Variants in MGST1 observed in about 807,000 individuals in gnomAD.
MGST1 encodes glutathione S-transferase 12.
Under a neutral mutation model 8.9 loss-of-function variants are expected in MGST1, and 5 were observed. The observed-to-expected ratio is 0.56, with a 90% CI of 0.29 to 1.19. The LOEUF is 1.19. Among genes scored for constraint, MGST1 ranks in the 50% most tolerant of loss-of-function variants. The probability of loss-of-function intolerance (pLI) is 0.08; values close to 1 mark genes in which losing one functional copy is unlikely to be tolerated. For synonymous variants in MGST1, 54 were observed against 67.8 expected (o/e 0.80, Z 1.00); for missense variants, 182 against 187.4 (o/e 0.97, Z 0.17).
intron 4 of MGST1, among the ~76,000 whole-genome samples, chr12:16,463,161 T>G (rs879321163): frequency 6.6e-6 from 1 of 152,108 alleles, no homozygotes; most frequent in Non-Finnish European, 1.5e-5. Flanking sequence ...ACTGCTTACC[T>G]CTCCCCTTAC....
chr12:16,405,576 T>A lies in MGST1; in HGVS notation n.778+21972T>A, dbSNP rs188172434. On this transcript the variant is annotated intron_variant and non_coding_transcript_variant, in intron 1 of 1. Transcript: ENST00000359720. ...TCCAACTCATTCTATGAATCCAGCA[T>A]CATCTTGATACCAAAACCTGGCAGA... Among the ~76,000 whole-genome samples, 178 of 152,310 alleles carry A rather than the reference T, an allele frequency of 1.2e-3. 1 individual carries two copies. Among genetic ancestry groups the A allele is most frequent in the Non-Finnish European group, 1.5e-3 (102 of 68,032 alleles).
intron 4 of MGST1, among the ~76,000 whole-genome samples, chr12:16,462,709 T>A (rs1941229803): frequency 6.6e-6 from 1 of 152,160 alleles, no homozygotes; most frequent in South Asian, 2.1e-4. Context: ...GATCTTCATT[T>A]AGTGGCAGGG....
At chr12:16,404,500 ATTC>A (rs939436266) in intron 1 of MGST1, among the ~76,000 whole-genome samples, 1 of 151,870 alleles carries the variant, frequency 6.6e-6, no homozygotes, top group Non-Finnish European at 1.5e-5. Flanking sequence ...TTAATTATTT[ATTC>A]TTTTTTCTCT....
chr12:16,474,617 C>A (rs1490046543), intron 4 of MGST1, among the ~76,000 whole-genome samples: 1 of 152,188 alleles, frequency 6.6e-6, no homozygotes, highest in African/African-American at 2.4e-5. Flanking sequence ...CACACAAATT[C>A]ATATAACCTT....
At chr12:16,565,845 T>TA (rs1942578647) in intron 4 of MGST1, among the ~76,000 whole-genome samples, 3 of 150,814 alleles carry the variant, frequency 2.0e-5, no homozygotes, top group Non-Finnish European at 4.4e-5. Context: ...ACTACTGGAT[T>TA]AAAAATCCCA....
intron 1 of MGST1, among the ~76,000 whole-genome samples, chr12:16,414,304 A>C (rs946080067): frequency 2.7e-5 from 4 of 150,754 alleles, no homozygotes; most frequent in African/African-American, 9.7e-5. Flanking sequence ...TATTAAGTTC[A>C]AACTACTGAC....
chr12:16,593,099 T>C (rs899965026), downstream of MGST1, among the ~76,000 whole-genome samples: 2 of 151,838 alleles, frequency 1.3e-5, no homozygotes, highest in Non-Finnish European at 3.0e-5. This position sits in a 1 kb window ranked among gnomAD's most constrained non-coding sequence, Gnocchi z 4.2. Context: ...GTTCCATGCC[T>C]GCTTACTAGT....
intron 1 of MGST1, among the ~76,000 whole-genome samples, chr12:16,403,631 T>C (rs1940677591): frequency 6.6e-6 from 1 of 152,132 alleles, no homozygotes; most frequent in Admixed American, 6.5e-5. Context: ...CTTTTCATAC[T>C]GCTATAAAGA....
chr12:16,433,377 C>T (rs547899877), intron 1 of MGST1, among the ~76,000 whole-genome samples: 57 of 152,190 alleles, frequency 3.7e-4, no homozygotes, highest in African/African-American at 1.3e-3. Flanking sequence ...ATCCTTCAAT[C>T]CAATCAAGTT....
chr12:16,366,706 G>A (rs1433905983), downstream of MGST1, among the ~76,000 whole-genome samples: 1 of 151,038 alleles, frequency 6.6e-6, no homozygotes, highest in East Asian at 2.0e-4. This position sits in a 1 kb window ranked among gnomAD's most constrained non-coding sequence, Gnocchi z 4.0. Flanking sequence ...TAACCATTAT[G>A]GATGCTTAGT....
intron 4 of MGST1, among the ~76,000 whole-genome samples, chr12:16,457,358 A>G (rs1009151572): frequency 6.6e-6 from 1 of 151,892 alleles, no homozygotes; most frequent in Non-Finnish European, 1.5e-5. Context: ...TATTAATTCA[A>G]AGTTGGTCAT....
At chr12:16,508,586 A>G (rs1364285857) in intron 4 of MGST1, among the ~76,000 whole-genome samples, 1 of 152,218 alleles carries the variant, frequency 6.6e-6, no homozygotes, top group Non-Finnish European at 1.5e-5. Context: ...CTTTCTAAAC[A>G]ATTCAGACTG....
intron 4 of MGST1, among the ~76,000 whole-genome samples, chr12:16,452,926 T>C (rs553955519): frequency 6.6e-6 from 1 of 151,926 alleles, no homozygotes; most frequent in South Asian, 2.1e-4. Context: ...TGGTCTTTCT[T>C]TAGGATAAAA....
At chr12:16,515,022 C>A (rs984293233) in intron 4 of MGST1, among the ~76,000 whole-genome samples, 2 of 152,160 alleles carry the variant, frequency 1.3e-5, no homozygotes, top group Non-Finnish European at 2.9e-5. Flanking sequence ...TTATAGAGTT[C>A]GGGTTCCTCA....
In MGST1 at chr12:16,451,698, A is replaced by G. The variant is rs192708049; in HGVS notation, n.482+68094A>G. On this transcript the variant is annotated intron_variant and non_coding_transcript_variant, in intron 4 of 4. Transcript: ENST00000538857. ...TCTAAACTTTGGTGGAAAAGGTTTTATAAGTTCTTATTGCTCTTATAAATC... is the reference window on the plus strand; with the variant it reads ...TCTAAACTTTGGTGGAAAAGGTTTTGTAAGTTCTTATTGCTCTTATAAATC... Among the ~76,000 whole-genome samples the G allele has an allele frequency of 3.2e-4, 49 of 152,020 alleles. 1 individual carries two copies. Among genetic ancestry groups the G allele is most frequent in the Admixed American group, 3.0e-3 (46 of 15,228 alleles).
At chr12:16,543,943 A>ACTTATT (rs1941806884) in intron 4 of MGST1, among the ~76,000 whole-genome samples, 1 of 151,996 alleles carries the variant, frequency 6.6e-6, no homozygotes, top group African/African-American at 2.4e-5. Flanking sequence ...TCAGCTGTTG[A>ACTTATT]CTTATTCTTC....
At chr12:16,519,731 T>G (rs1373995734) in intron 4 of MGST1, among the ~76,000 whole-genome samples, 2 of 152,308 alleles carry the variant, frequency 1.3e-5, no homozygotes, top group Non-Finnish European at 1.5e-5. Context: ...TCATACCTCT[T>G]AAGTCTTATG....
intron 1 of MGST1, among the ~76,000 whole-genome samples, chr12:16,420,470 C>G (rs1400222914): frequency 5.9e-5 from 9 of 152,118 alleles, no homozygotes; most frequent in Non-Finnish European, 1.3e-4. Context: ...GTCAGGTTTC[C>G]TGGGAAACAA....
At chr12:16,450,617 G>T (rs1050284513) in intron 4 of MGST1, among the ~76,000 whole-genome samples, 2 of 151,904 alleles carry the variant, frequency 1.3e-5, no homozygotes, top group Non-Finnish European at 2.9e-5. Context: ...AATGAGACAA[G>T]TTAAACCAGT....
Sources: gnomAD v4.1 joint callset for allele counts (sites outside exome capture counted in the v4.1 genomes callset) on GRCh38, gnomAD v4.1.1 for gene constraint, Gnocchi (gnomAD v3.1) non-coding constraint, MANE v1.5 for transcripts, NCBI Gene and HGNC (gene_info 2026-07-23, HGNC 2026-07-21) for gene names.